The following DOCK10 variants were observed in gnomAD, a reference collection of about 807,000 sequenced individuals.
The protein encoded by DOCK10 is dedicator of cytokinesis 10, also known as dedicator of cytokinesis protein 10.
In DOCK10, 145 loss-of-function variants were observed where a neutral mutation model predicts 280.1. The ratio of observed to expected loss-of-function variants is 0.52; its 90% CI spans 0.45 to 0.59. The LOEUF is 0.59. DOCK10 is among the 20% of genes least tolerant of loss of function. The probability of loss-of-function intolerance (pLI) is 0.00; values close to 1 mark genes in which losing one functional copy is unlikely to be tolerated. For synonymous variants in DOCK10, 915 were observed against 942.2 expected (o/e 0.97, Z 0.53); for missense variants, 2,368 against 2,651.7 (o/e 0.89, Z 2.35).
chr2:225,004,043 G>A (rs183990866), intron 1 of DOCK10, among the ~76,000 whole-genome samples: 21 of 152,272 alleles, frequency 1.4e-4, no homozygotes, highest in Middle Eastern at 3.4e-3. Flanking sequence ...TTCTCGTTTC[G>A]TTTTGTCTGT....
chr2:224,844,383 G>A (rs1185807203), intron 22 of DOCK10, among the ~76,000 whole-genome samples: 1 of 152,154 alleles, frequency 6.6e-6, no homozygotes, highest in Non-Finnish European at 1.5e-5. Flanking sequence ...GCCCGCCTCG[G>A]CCTCCCAAAG....
rs1057249833 is a variant in DOCK10, at chr2:225,026,754, G to C, written c.123+15498C>G. Among the ~76,000 whole-genome samples the C allele has an allele frequency of 3.2e-4, 49 of 152,104 alleles. 1 individual carries two copies. Among genetic ancestry groups the C allele is most frequent in the Admixed American group, 3.1e-3 (48 of 15,270 alleles). On this transcript the variant is annotated intron_variant, in intron 1 of 55. Coordinates refer to ENST00000258390, the MANE Select transcript of DOCK10 (RefSeq NM_014689.3). Reference sequence around the variant, plus strand: ...GTGTGAAAGGGTGAAATCACCTAGGGGGGGTTTTGTGGGGAAGGCAGAGAG... The same window carrying C: ...GTGTGAAAGGGTGAAATCACCTAGGCGGGGTTTTGTGGGGAAGGCAGAGAG...
chr2:224,805,523 G>C lies in DOCK10; in HGVS notation c.3821C>G (p.Ser1274Ter). The C allele has an allele frequency of 6.2e-7, 1 of 1,612,108 alleles. No homozygotes were observed. Residue 1274 changes from serine to a stop codon, truncating the protein, a stop_gained, in exon 35 of 56, where the codon TCA becomes TGA. Transcript: ENST00000258390. LOFTEE classifies it high-confidence loss of function. This position sits in a 1 kb window ranked among gnomAD's most constrained non-coding sequence, Gnocchi z 4.3. ...GTTTACTGTAGAAATAGCTATTGAT[G>C]AAAATGCTGTAAACACAAGCCACAG... ...KDVLNSIAAF[S>*]SIAISTVNHA...
chr2:224,845,394 T>C, intron 20 of DOCK10, 70 bp from the exon 21 acceptor site: 1 of 1,533,392 alleles, frequency 6.5e-7, no homozygotes. Flanking sequence ...AATAATGCTA[T>C]TTATTATTTA....
Position 224,800,151 on chromosome 2 carries a change from C to T in DOCK10, c.4506G>A (p.Gln1502=). 1 of 1,564,500 alleles carries T rather than the reference C, an allele frequency of 6.4e-7. No individual in the cohort carries two copies. Among genetic ancestry groups the T allele is most frequent in the Non-Finnish European group, 8.8e-7 (1 of 1,139,394 alleles). ...CAGAAAATGTTATCATCATATTCACCTGATGAGTCTGTGTGAAGAGGGATA... is the reference window on the plus strand; with the variant it reads ...CAGAAAATGTTATCATCATATTCACTTGATGAGTCTGTGTGAAGAGGGATA... The part of the protein sequence containing the change: ...DLLSLFTQTH[Q]RQLQQCDCQN... The change falls in exon 41 of 56, where the codon CAG becomes CAA. Residue 1502 remains glutamine (Q), a splice_region_variant and synonymous_variant. Coordinates refer to ENST00000258390, the MANE Select transcript of DOCK10 (RefSeq NM_014689.3).
At chr2:224,840,687 A>G (rs1695905995) in intron 23 of DOCK10, among the ~76,000 whole-genome samples, 1 of 152,194 alleles carries the variant, frequency 6.6e-6, no homozygotes, top group African/African-American at 2.4e-5. Context: ...AAGAGCCACT[A>G]TGGAAAACAA....
At chr2:224,783,419 C>T (rs543393767) in intron 50 of DOCK10, among the ~76,000 whole-genome samples, 52 of 152,012 alleles carry the variant, frequency 3.4e-4, no homozygotes, top group Admixed American at 2.0e-3. Context: ...GGATTACAGG[C>T]GCTCGCCACC....
At chr2:224,783,847 A>G (rs537059265) in intron 50 of DOCK10, among the ~76,000 whole-genome samples, 13 of 152,328 alleles carry the variant, frequency 8.5e-5, no homozygotes, top group Admixed American at 7.2e-4. Context: ...GAAGGAATTT[A>G]AAGAATTACA....
At chr2:224,954,724 T>G (rs1378196599) in intron 1 of DOCK10, among the ~76,000 whole-genome samples, 1 of 152,238 alleles carries the variant, frequency 6.6e-6, no homozygotes, top group Admixed American at 6.5e-5. Flanking sequence ...TATATATGCC[T>G]GGATTGATAC....
At chr2:224,920,287 T>C (rs1701630411) in intron 2 of DOCK10, among the ~76,000 whole-genome samples, 1 of 150,318 alleles carries the variant, frequency 6.7e-6, no homozygotes, top group Non-Finnish European at 1.5e-5. Context: ...TTGTCCAGGA[T>C]GGTCTCCAGC....
At position 224,936,276 on chromosome 2, in the gene DOCK10, CT is replaced by C. The variant is rs1471332886; in HGVS notation, c.124-4609del. ...CTCACAATATTTTGCATATAATTGG[CT>C]TTTCTTTTTGGAAAACACGAAGTGG... On this transcript the variant is annotated intron_variant, in intron 1 of 55. Coordinates refer to ENST00000258390, the MANE Select transcript of DOCK10 (RefSeq NM_014689.3). 5.3e-5 allele frequency among the ~76,000 whole-genome samples: 8 copies of C among 152,110 alleles called. 1 individual carries two copies. The highest frequency in any genetic ancestry group is 5.2e-4 in the Admixed American group (8 of 15,268).
chr2:224,808,140 T>C, intron 31 of DOCK10, 54 bp from the exon 32 acceptor site: 1 of 1,503,610 alleles, frequency 6.7e-7, no homozygotes, highest in South Asian at 1.2e-5. Flanking sequence ...GATCACTTTA[T>C]AATTGAGACA....
At chr2:224,785,004 T>A (rs972829194) in intron 50 of DOCK10, among the ~76,000 whole-genome samples, 1 of 152,204 alleles carries the variant, frequency 6.6e-6, no homozygotes, top group East Asian at 1.9e-4. Context: ...TCTGTGCTGC[T>A]CAGTTAGCCT....
rs140529049 is a variant in DOCK10, at chr2:224,765,923, T to C, written c.6445-86A>G. On this transcript the variant is annotated intron_variant, in intron 55 of 55. Transcript: ENST00000258390. The stretch of plus-strand genomic sequence containing the variant: ...ACAAAATTAAAACCCAGAATAGAGG[T>C]TTTCATTCCCCACAGGGTAATTTAT... 1.4e-3 allele frequency: 1,329 copies of C among 949,516 alleles called. 14 individuals are homozygous for C. In the African/African-American group the frequency reaches 0.019, roughly 13 times the overall value. The allele number at this position is 949,516 out of a possible 1,614,324, so 58.8% of individuals were successfully genotyped here.
At chr2:224,841,731 G>T in intron 23 of DOCK10, 73 bp downstream of exon 23, 3 of 967,594 alleles carry the variant, frequency 3.1e-6, no homozygotes, top group South Asian at 1.4e-5. Flanking sequence ...TTGCCCATCG[G>T]TGGAAAATGT....
chr2:225,021,287 C>T (rs573385181), intron 1 of DOCK10, among the ~76,000 whole-genome samples: 8 of 152,248 alleles, frequency 5.3e-5, no homozygotes, highest in East Asian at 3.9e-4. Context: ...AGGTAACAGA[C>T]GGTTGGTTAA....
intron 27 of DOCK10, among the ~76,000 whole-genome samples, chr2:224,824,437 T>TC (rs1455107228): frequency 1.4e-5 from 2 of 144,592 alleles, no homozygotes; most frequent in African/African-American, 5.3e-5. Flanking sequence ...TGCTTTTTTT[T>TC]TTTTTTTTTT....
chr2:224,891,581 A>C (rs549749244), intron 4 of DOCK10, among the ~76,000 whole-genome samples: 1 of 152,328 alleles, frequency 6.6e-6, no homozygotes, highest in South Asian at 2.1e-4. Flanking sequence ...TTAAACATCC[A>C]CTTTAAGTAT....
intron 1 of DOCK10, among the ~76,000 whole-genome samples, chr2:225,035,605 AATTGTGTGT>A (rs1559987248): frequency 2.5e-5 from 3 of 120,912 alleles, no homozygotes; most frequent in African/African-American, 1.1e-4. Context: ...AATCAGTGTT[AATTGTGTGT>A]TGTATTAGTC....
Sources: gnomAD v4.1 joint callset for allele counts (sites outside exome capture counted in the v4.1 genomes callset) on GRCh38, gnomAD v4.1.1 for gene constraint, Gnocchi (gnomAD v3.1) non-coding constraint, MANE v1.5 for transcripts, NCBI Gene and HGNC (gene_info 2026-07-23, HGNC 2026-07-21) for gene names.